Variants in RIT2 observed in about 807,000 individuals in gnomAD.
RIT2 encodes GTP-binding protein Rit2.
RIT2 carries 24 observed loss-of-function variants against 23.7 expected under a neutral mutation model. The ratio of observed to expected loss-of-function variants is 1.01; its 90% CI spans 0.73 to 1.43. The LOEUF is 1.43. RIT2 is among the 40% of genes most tolerant of loss of function. The pLI is 0.00. For missense variants in RIT2, 236 were observed against 266.9 expected (o/e 0.88, Z 0.81); for synonymous variants, 107 against 91.1 (o/e 1.17, Z -0.99).
At chr18:42,988,480 T>TG (rs1001692774) in intron 2 of RIT2, among the ~76,000 whole-genome samples, 3 of 152,204 alleles carry the variant, frequency 2.0e-5, no homozygotes, top group African/African-American at 7.2e-5. Flanking sequence ...GTATTGGTTT[T>TG]GGGGATGAAA....
chr18:42,935,149 C>T (rs899942168), intron 3 of RIT2, among the ~76,000 whole-genome samples: 1 of 152,166 alleles, frequency 6.6e-6, no homozygotes, highest in South Asian at 2.1e-4. Flanking sequence ...TTATCAGTTA[C>T]TGCCTTTACC....
chr18:42,974,230 T>C (rs1910428411), intron 2 of RIT2, 83 bp from the exon 3 acceptor site: 1 of 854,148 alleles, frequency 1.2e-6, no homozygotes, highest in Admixed American at 2.2e-5. Flanking sequence ...GAAGAATTTC[T>C]AAGTAAGTTA....
intron 4 of RIT2, among the ~76,000 whole-genome samples, chr18:42,892,596 CAAT>C (rs1412078719): frequency 1.3e-5 from 2 of 152,110 alleles, no homozygotes; most frequent in Non-Finnish European, 2.9e-5. Flanking sequence ...ATGCAAAGCA[CAAT>C]GCTTGAAAAT....
intron 1 of RIT2, among the ~76,000 whole-genome samples, chr18:43,072,651 T>A (rs1912924564): frequency 6.6e-6 from 1 of 152,154 alleles, no homozygotes; most frequent in African/African-American, 2.4e-5. Context: ...GGGTTTGGTA[T>A]TTTTCCCCCA....
chr18:42,888,029 C>A (rs1364762878), intron 4 of RIT2, among the ~76,000 whole-genome samples: 2 of 151,896 alleles, frequency 1.3e-5, no homozygotes, highest in Non-Finnish European at 2.9e-5. Flanking sequence ...ATAATCAGTG[C>A]ACAGAGGATT....
intron 1 of RIT2, among the ~76,000 whole-genome samples, chr18:43,045,055 T>C (rs555052926): frequency 6.6e-6 from 1 of 152,314 alleles, no homozygotes; most frequent in South Asian, 2.1e-4. Context: ...AAAATAGACA[T>C]TTTCACTAAT....
intron 2 of RIT2, among the ~76,000 whole-genome samples, chr18:43,032,049 A>G (rs1911866277): frequency 6.6e-6 from 1 of 152,142 alleles, no homozygotes; most frequent in Non-Finnish European, 1.5e-5. Flanking sequence ...AAAGGCCACA[A>G]AATGAAATGA....
intron 2 of RIT2, among the ~76,000 whole-genome samples, chr18:43,032,387 C>T (rs1911877209): frequency 6.6e-6 from 1 of 151,928 alleles, no homozygotes; most frequent in African/African-American, 2.4e-5. Context: ...TAAAGAATAA[C>T]AGAAAATAAT....
chr18:42,955,297 G>T (rs999734508), intron 3 of RIT2, among the ~76,000 whole-genome samples: 1 of 152,130 alleles, frequency 6.6e-6, no homozygotes. Context: ...CAAGGATTCA[G>T]ATATAATAAT....
intron 2 of RIT2, among the ~76,000 whole-genome samples, chr18:42,982,354 TG>T (rs776912633): frequency 2.0e-4 from 31 of 152,144 alleles, no homozygotes; most frequent in Non-Finnish European, 2.1e-4. Flanking sequence ...CCAACGTTGA[TG>T]GCAAATCTTT....
chr18:43,024,065 T>C (rs1000299041), intron 2 of RIT2, among the ~76,000 whole-genome samples: 1 of 152,112 alleles, frequency 6.6e-6, no homozygotes, highest in Non-Finnish European at 1.5e-5. Context: ...AGTCAGATGG[T>C]CAAGGTATGT....
At chr18:42,806,100 A>AATATATATATAT (rs58214096) in intron 4 of RIT2, among the ~76,000 whole-genome samples, 8 of 140,032 alleles carry the variant, frequency 5.7e-5, no homozygotes, top group East Asian at 4.1e-4. Context: ...TAATAAAATT[A>AATATATATATAT]ATATATATAT....
intron 2 of RIT2, among the ~76,000 whole-genome samples, chr18:43,017,402 T>C (rs1454462594): frequency 6.6e-6 from 1 of 151,946 alleles, no homozygotes; most frequent in Admixed American, 6.6e-5. Flanking sequence ...ATTAAAATAA[T>C]ACAAAATATA....
chr18:42,865,463 A>G (rs1907446006), intron 4 of RIT2, among the ~76,000 whole-genome samples: 1 of 152,196 alleles, frequency 6.6e-6, no homozygotes, highest in Admixed American at 6.5e-5. Flanking sequence ...GTATAAACAT[A>G]TTACCTTGAA....
chr18:43,093,033 GT>G (rs1270668373), intron 1 of RIT2, among the ~76,000 whole-genome samples: 1 of 151,998 alleles, frequency 6.6e-6, no homozygotes, highest in East Asian at 1.9e-4. Flanking sequence ...TATCGTAATT[GT>G]TTTAAAGAAT....
intron 3 of RIT2, among the ~76,000 whole-genome samples, chr18:42,946,424 G>A (rs1363846476): frequency 1.3e-5 from 2 of 151,936 alleles, no homozygotes; most frequent in Non-Finnish European, 1.5e-5. Flanking sequence ...GTGTTCAGGA[G>A]GCAGTCTACA....
chr18:42,881,535 G>A (rs1390914828), intron 4 of RIT2, among the ~76,000 whole-genome samples: 1 of 152,102 alleles, frequency 6.6e-6, no homozygotes, highest in Non-Finnish European at 1.5e-5. Context: ...TGGCTTCCTT[G>A]CTTCCTCACA....
intron 4 of RIT2, among the ~76,000 whole-genome samples, chr18:42,847,126 A>G (rs982988212): frequency 6.6e-6 from 1 of 152,140 alleles, no homozygotes; most frequent in Admixed American, 6.6e-5. Flanking sequence ...GTTCCTCACT[A>G]AGGAAAATGG....
At chr18:42,796,133 G>A (rs577796084) in intron 4 of RIT2, among the ~76,000 whole-genome samples, 1 of 152,114 alleles carries the variant, frequency 6.6e-6, no homozygotes, top group African/African-American at 2.4e-5. Context: ...TCTTGCTACT[G>A]CTCACTCTTT....
Sources: allele counts gnomAD v4.1 joint callset (sites outside exome capture counted in the v4.1 genomes callset), GRCh38; gene constraint gnomAD v4.1.1; transcripts MANE v1.5; gene names NCBI Gene and HGNC (gene_info 2026-07-23, HGNC 2026-07-21).